Variants in DOCK2 observed in about 807,000 individuals in gnomAD.
The protein encoded by DOCK2 is dedicator of cytokinesis 2.
Under a neutral mutation model 248.9 loss-of-function variants are expected in DOCK2, and 87 were observed. That is an observed-to-expected ratio of 0.35 (90% CI 0.29 to 0.42). The LOEUF is 0.42. Among genes scored for constraint, DOCK2 ranks in the 10% least tolerant of loss-of-function variants. The pLI, the probability that DOCK2 is intolerant of heterozygous loss-of-function variation, is 1.00. For missense variants in DOCK2, 1,747 were observed against 2,300.2 expected (o/e 0.76, Z 4.92); for synonymous variants, 805 against 821.6 (o/e 0.98, Z 0.35).
chr5:169,783,300 G>A (rs1581182758), intron 25 of DOCK2, among the ~76,000 whole-genome samples: 2 of 152,182 alleles, frequency 1.3e-5, no homozygotes, highest in South Asian at 4.1e-4. Context: ...TACAAAGAGT[G>A]TTTGTTGGAT....
At chr5:170,076,736 G>A (rs1311215745) in intron 47 of DOCK2, among the ~76,000 whole-genome samples, 1 of 152,216 alleles carries the variant, frequency 6.6e-6, no homozygotes, top group Non-Finnish European at 1.5e-5. Context: ...GAGACCCAGA[G>A]AAGAAAAGTG....
At chr5:170,065,489 T>C (rs1182156570) in intron 44 of DOCK2, among the ~76,000 whole-genome samples, 1 of 152,120 alleles carries the variant, frequency 6.6e-6, no homozygotes, top group African/African-American at 2.4e-5. Context: ...AAAAACCTAA[T>C]GATATTGTAT....
intron 29 of DOCK2, among the ~76,000 whole-genome samples, chr5:169,991,444 G>A (rs982740261): frequency 3.9e-5 from 6 of 152,218 alleles, no homozygotes; most frequent in Non-Finnish European, 8.8e-5. Flanking sequence ...GTTCCTCATG[G>A]AATCATCTGC....
intron 5 of DOCK2, among the ~76,000 whole-genome samples, chr5:169,671,522 G>T (rs182679501): frequency 6.6e-6 from 1 of 152,282 alleles, no homozygotes; most frequent in Admixed American, 6.5e-5. Flanking sequence ...ACTCAGATTT[G>T]ATTTGCTAGT....
At chr5:169,973,323 A>G (rs547983072) in intron 27 of DOCK2, among the ~76,000 whole-genome samples, 2 of 152,324 alleles carry the variant, frequency 1.3e-5, no homozygotes, top group South Asian at 4.1e-4. Flanking sequence ...CAAGTGAACC[A>G]GAAGCAAACT....
intron 27 of DOCK2, among the ~76,000 whole-genome samples, chr5:169,941,548 C>CAAGA (rs1776247713): frequency 1.3e-5 from 2 of 152,146 alleles, no homozygotes; most frequent in Admixed American, 1.3e-4. Context: ...AAGGAGAGTG[C>CAAGA]AAGAGGTGGG....
chr5:169,700,530 C>CT (rs72511281), intron 13 of DOCK2, among the ~76,000 whole-genome samples: 21 of 147,460 alleles, frequency 1.4e-4, no homozygotes, highest in South Asian at 2.1e-4. Flanking sequence ...TATTTTTAAG[C>CT]TTTTTTTTTT....
At chr5:170,029,414 T>C (rs972771218) in intron 34 of DOCK2, among the ~76,000 whole-genome samples, 1 of 152,212 alleles carries the variant, frequency 6.6e-6, no homozygotes. Context: ...AGAAAGACAT[T>C]GGGTTTTGAT....
intron 30 of DOCK2, among the ~76,000 whole-genome samples, chr5:170,005,750 A>T (rs181821035): frequency 5.5e-4 from 84 of 152,012 alleles, no homozygotes; most frequent in African/African-American, 1.3e-3. Context: ...ATTTTTTTTT[A>T]AAAAAAAGAA....
intron 30 of DOCK2, among the ~76,000 whole-genome samples, chr5:170,008,011 T>A (rs192171973): frequency 4.2e-4 from 64 of 152,222 alleles, no homozygotes; most frequent in Admixed American, 3.1e-3. Flanking sequence ...TAAGACAGAA[T>A]GGATTGCAGT....
At chr5:170,081,799 C>T (rs1361402854) in intron 50 of DOCK2, 43 bp from the exon 51 acceptor site, 5 of 1,566,116 alleles carry the variant, frequency 3.2e-6, no homozygotes, top group African/African-American at 1.4e-5. Flanking sequence ...CACTGCCCCT[C>T]CTCTACCCAC....
At chr5:169,964,636 G>T (rs1037789719) in intron 27 of DOCK2, among the ~76,000 whole-genome samples, 1 of 152,246 alleles carries the variant, frequency 6.6e-6, no homozygotes, top group Non-Finnish European at 1.5e-5. Flanking sequence ...TAAGCCAAAA[G>T]TCAGCCCTTC....
At chr5:170,040,578 C>G (rs1246654857) in intron 36 of DOCK2, 1 of 174,464 alleles carries the variant, frequency 5.7e-6, no homozygotes, top group East Asian at 1.7e-4. Flanking sequence ...CTTGTTCATA[C>G]TCCTTCAATG....
intron 26 of DOCK2, among the ~76,000 whole-genome samples, chr5:169,820,071 G>A (rs1045558323): frequency 6.6e-6 from 1 of 152,338 alleles, no homozygotes; most frequent in East Asian, 1.9e-4. Flanking sequence ...CGAGACTGGT[G>A]GAGGGGCGCC....
chr5:169,714,240 T>A (rs763157006), intron 18 of DOCK2, 29 bp downstream of exon 18: 2 of 1,600,930 alleles, frequency 1.2e-6, no homozygotes, highest in South Asian at 2.2e-5. Context: ...GTTGTGTCTG[T>A]GGGGAGTGTG....
intron 1 of DOCK2, among the ~76,000 whole-genome samples, chr5:169,641,797 A>C (rs1348535158): frequency 6.6e-6 from 1 of 152,166 alleles, no homozygotes; most frequent in Non-Finnish European, 1.5e-5. Context: ...TGGTGGCCCC[A>C]GCATGCAACC....
At chr5:169,903,382 G>A (rs1443732413) in intron 27 of DOCK2, among the ~76,000 whole-genome samples, 5 of 151,930 alleles carry the variant, frequency 3.3e-5, no homozygotes, top group African/African-American at 4.8e-5. Context: ...AGAGGAAGTC[G>A]GGGTGCCGCA....
At chr5:169,923,483 GCACACA>G (rs34053722) in intron 27 of DOCK2, among the ~76,000 whole-genome samples, 201 of 148,892 alleles carry the variant, frequency 1.3e-3, no homozygotes, top group East Asian at 5.0e-3. Flanking sequence ...ATGCACGTGG[GCACACA>G]CACACACACA....
chr5:169,701,625 C>T (rs1024915925), intron 13 of DOCK2, among the ~76,000 whole-genome samples: 17 of 152,136 alleles, frequency 1.1e-4, no homozygotes, highest in African/African-American at 3.9e-4. Flanking sequence ...AGCAATCCTC[C>T]TACCTCAGCC....
Sources: gnomAD v4.1 joint callset for allele counts (sites outside exome capture counted in the v4.1 genomes callset) on GRCh38, gnomAD v4.1.1 for gene constraint, MANE v1.5 for transcripts, NCBI Gene and HGNC (gene_info 2026-07-23, HGNC 2026-07-21) for gene names.